The following CLOCK variants were observed in gnomAD, a reference collection of about 807,000 sequenced individuals.
The protein encoded by CLOCK is circadian locomoter output cycles protein kaput.
In CLOCK, 43 loss-of-function variants were observed where a neutral mutation model predicts 118.4. The ratio of observed to expected loss-of-function variants is 0.36; its 90% CI spans 0.28 to 0.47. The LOEUF (loss-of-function observed/expected upper bound fraction) is 0.47, where lower values mean the gene tolerates loss of function less well. Ranked by LOEUF, CLOCK falls within the 20% of genes least tolerant of loss-of-function variation. The pLI, the probability that CLOCK is intolerant of heterozygous loss-of-function variation, is 1.00. For synonymous variants in CLOCK, 326 were observed against 339.2 expected, an observed-to-expected ratio of 0.96 and a Z score of 0.43; for missense variants, 846 against 999.9, an observed-to-expected ratio of 0.85 and a Z score of 2.08.
chr4:55,517,601 T>C (rs1338872372), intron 1 of CLOCK, among the ~76,000 whole-genome samples: 2 of 152,238 alleles, frequency 1.3e-5, no homozygotes, highest in East Asian at 3.8e-4. Context: ...ATATTGGTTT[T>C]TAATTTGTTG....
chr4:55,531,865 G>A (rs1414101132), intron 1 of CLOCK, among the ~76,000 whole-genome samples: 9 of 149,474 alleles, frequency 6.0e-5, no homozygotes, highest in East Asian at 4.0e-4. Context: ...AGAAAACCAC[G>A]GTAATAACCA....
intron 18 of CLOCK, among the ~76,000 whole-genome samples, 185 bp downstream of exon 18, chr4:55,448,594 A>ACGCGCG (rs1553891178): frequency 0.021 from 1,670 of 81,232 alleles, 23 homozygotes; most frequent in Middle Eastern, 0.093. Flanking sequence ...GCGCGCGCGC[A>ACGCGCG]CGCGCGCGTG....
chr4:55,469,650 T>C (rs964883291), intron 8 of CLOCK, among the ~76,000 whole-genome samples: 3 of 152,190 alleles, frequency 2.0e-5, no homozygotes, highest in Admixed American at 6.5e-5. Context: ...GTTTTTTAAA[T>C]AGAAAAAAGC....
At chr4:55,496,394 C>CAATG (rs1728090286) in intron 2 of CLOCK, among the ~76,000 whole-genome samples, 3 of 152,182 alleles carry the variant, frequency 2.0e-5, no homozygotes, top group Admixed American at 2.0e-4. Flanking sequence ...TAGTGACAGT[C>CAATG]AATGATTGGT....
intron 3 of CLOCK, among the ~76,000 whole-genome samples, chr4:55,488,166 CA>C (rs1295072018): frequency 6.6e-6 from 1 of 152,196 alleles, no homozygotes; most frequent in Non-Finnish European, 1.5e-5. Context: ...ACCACTTCTG[CA>C]TTTATTAAAT....
chr4:55,469,931 T>C (rs112852182), intron 8 of CLOCK, among the ~76,000 whole-genome samples: 2,491 of 152,232 alleles, frequency 0.016, 64 homozygotes, highest in African/African-American at 0.058. Flanking sequence ...TGGTCTCAAA[T>C]GCCTGAGCTC....
At chr4:55,450,740 G>A (rs1418603565) in intron 15 of CLOCK, among the ~76,000 whole-genome samples, 2 of 150,716 alleles carry the variant, frequency 1.3e-5, no homozygotes, top group Non-Finnish European at 2.9e-5. Context: ...CTGCATTCCA[G>A]CCTGGGCAAA....
intron 1 of CLOCK, among the ~76,000 whole-genome samples, chr4:55,512,740 G>A (rs1729245035): frequency 6.6e-6 from 1 of 152,108 alleles, no homozygotes; most frequent in Non-Finnish European, 1.5e-5. Flanking sequence ...TAATTTTTAT[G>A]AAGGGTATAA....
intron 1 of CLOCK, among the ~76,000 whole-genome samples, chr4:55,541,969 C>CAGAAAT: frequency 6.6e-6 from 1 of 150,840 alleles, no homozygotes; most frequent in Admixed American, 6.6e-5. Flanking sequence ...AAAAAACAGC[C>CAGAAAT]AGAAATAGGC....
At position 55,442,353 on chromosome 4, in the gene CLOCK, T is replaced by C. The variant is rs934932165; in HGVS notation, c.2105+79A>G. ...TCTCATTAAAATCACATTAAAAAAT[T>C]TGATTAAGAAATCAAATTATTGTTT... On this transcript the variant is annotated intron_variant, in intron 21 of 22. Coordinates refer to ENST00000513440, the MANE Select transcript of CLOCK (RefSeq NM_004898.4). 1.5e-5 allele frequency: 20 copies of C among 1,290,728 alleles called. No homozygotes were observed. The East Asian group carries it at 1.9e-4, about 12-fold the overall frequency. The allele number at this position is 1,290,728 out of a possible 1,614,324, so 80.0% of individuals were successfully genotyped here.
chr4:55,450,550 C>T (rs754388636), intron 15 of CLOCK, among the ~76,000 whole-genome samples: 1 of 152,070 alleles, frequency 6.6e-6, no homozygotes, highest in African/African-American at 2.4e-5. Flanking sequence ...GGCAGATCAC[C>T]TGAGGTCAGG....
At chr4:55,495,751 G>A (rs1468418151) in intron 2 of CLOCK, among the ~76,000 whole-genome samples, 1 of 152,090 alleles carries the variant, frequency 6.6e-6, no homozygotes, top group Admixed American at 6.6e-5. Context: ...CATTCTGCTA[G>A]TGTTACCCCA....
At chr4:55,531,930 A>G (rs1285128340) in intron 1 of CLOCK, among the ~76,000 whole-genome samples, 2 of 151,696 alleles carry the variant, frequency 1.3e-5, no homozygotes, top group Admixed American at 1.3e-4. Context: ...AACAAAAAAA[A>G]CCCCAGCAAA....
chr4:55,503,977 G>GAAAAAGAAAAAAAAAAAA (rs1560463004), intron 2 of CLOCK, among the ~76,000 whole-genome samples: 1 of 25,102 alleles, frequency 4.0e-5, no homozygotes, highest in African/African-American at 9.6e-5. Flanking sequence ...GCAAAAAGAG[G>GAAAAAGAAAAAAAAAAAA]TAAAAAAAAA....
At chr4:55,466,071 G>T (rs1304985783) in intron 8 of CLOCK, among the ~76,000 whole-genome samples, 1 of 152,086 alleles carries the variant, frequency 6.6e-6, no homozygotes, top group African/African-American at 2.4e-5. Flanking sequence ...ATCTGATATG[G>T]TTTGGCTGTG....
At chr4:55,485,863 T>C (rs1370346516) in intron 3 of CLOCK, among the ~76,000 whole-genome samples, 1 of 152,130 alleles carries the variant, frequency 6.6e-6, no homozygotes, top group Non-Finnish European at 1.5e-5. Flanking sequence ...ACCCCATAAA[T>C]AAATATATAT....
rs1271357975 is a variant in CLOCK, at chr4:55,546,804, G to A, written c.-312C>T. The A allele has an allele frequency of 3.9e-5, 6 of 152,258 alleles. No homozygotes were observed. The highest frequency in any genetic ancestry group is 8.8e-5 in the Non-Finnish European group (6 of 68,130). The allele number at this position is 152,258 out of a possible 1,614,324, so 9.4% of individuals were successfully genotyped here. On this transcript the variant is annotated 5_prime_UTR_variant, in exon 1 of 23. Transcript: ENST00000513440. ...CACCGGGAGCGCTCGCGGCGGCGGC[G>A]GCCAGATTTCCTTCGCGCTCTCGCT...
At chr4:55,470,250 T>A (rs920463037) in intron 8 of CLOCK, among the ~76,000 whole-genome samples, 1 of 152,172 alleles carries the variant, frequency 6.6e-6, no homozygotes, top group Non-Finnish European at 1.5e-5. Flanking sequence ...TACCATTTTT[T>A]ACCTTTGAGA....
intron 11 of CLOCK, among the ~76,000 whole-genome samples, chr4:55,456,877 T>A (rs980048801): frequency 7.2e-5 from 11 of 151,842 alleles, no homozygotes; most frequent in African/African-American, 2.7e-4. Flanking sequence ...AGGTGGGGGG[T>A]CTATGTTGTC....
Sources: gnomAD v4.1 joint callset for allele counts (sites outside exome capture counted in the v4.1 genomes callset) on GRCh38, gnomAD v4.1.1 for gene constraint, MANE v1.5 for transcripts, NCBI Gene and HGNC (gene_info 2026-07-23, HGNC 2026-07-21) for gene names.